The following ITGA6 variants were observed in gnomAD, a reference collection of about 807,000 sequenced individuals.
ITGA6 encodes the protein integrin subunit alpha 6, also known as integrin alpha-6.
In ITGA6, 63 loss-of-function variants were observed where a neutral mutation model predicts 133.6. That is an observed-to-expected ratio of 0.47 (90% CI 0.38 to 0.58). The LOEUF is 0.58. Ranked by LOEUF, ITGA6 falls within the 20% of genes least tolerant of loss-of-function variation. The pLI is 0.00. For synonymous variants in ITGA6, 434 were observed against 482.0 expected, an observed-to-expected ratio of 0.90 and a Z score of 1.30; for missense variants, 1,068 against 1,309.4, an observed-to-expected ratio of 0.82 and a Z score of 2.85.
intron 19 of ITGA6, among the ~76,000 whole-genome samples, chr2:172,488,552 A>G (rs549080426): frequency 6.6e-6 from 1 of 152,308 alleles, no homozygotes; most frequent in South Asian, 2.1e-4. Context: ...TCACAAGCCC[A>G]GTTTTTGTGG....
chr2:172,435,635 TTTTTTG>T (rs1345380274), intron 1 of ITGA6, among the ~76,000 whole-genome samples: 17 of 140,114 alleles, frequency 1.2e-4, no homozygotes, highest in African/African-American at 4.2e-4. Flanking sequence ...TTTTTTTTTT[TTTTTTG>T]TTGAGACAGA....
intron 3 of ITGA6, among the ~76,000 whole-genome samples, chr2:172,468,511 AC>A (rs1166941011): frequency 2.6e-5 from 4 of 152,202 alleles, no homozygotes; most frequent in Non-Finnish European, 4.4e-5. Flanking sequence ...AGCCATTCAT[AC>A]CCTGTAGAAA....
At chr2:172,485,295 G>GT (rs780882442) in intron 13 of ITGA6, 31 bp downstream of exon 13, 45 of 1,606,512 alleles carry the variant, frequency 2.8e-5, no homozygotes, top group African/African-American at 8.0e-5. Flanking sequence ...TTTTGCCAAA[G>GT]TTTTTTTGCC....
At chr2:172,427,389 T>C (rs1683880642), upstream of ITGA6, 1 of 1,016,062 alleles carries the variant, frequency 9.8e-7, no homozygotes, top group Non-Finnish European at 1.2e-6. Flanking sequence ...GTGGGGCTGC[T>C]TCGCCGCGAG....
At chr2:172,465,213 A>G (rs538023564) in intron 1 of ITGA6, 2 of 377,466 alleles carry the variant, frequency 5.3e-6, no homozygotes, top group African/African-American at 2.0e-5. Context: ...CCCTGGCATC[A>G]TAGGGGCTTA....
rs1366627609 is a variant in ITGA6 at position 172,506,262 on chromosome 2, T to TATC, written c.*2195_*2197dup. On this transcript the variant is annotated 3_prime_UTR_variant, in exon 26 of 26. Coordinates refer to ENST00000684293, the MANE Select transcript of ITGA6 (RefSeq NM_000210.4). ...TAAAATTATAAATGACAACCTGAAT[T>TATC]ATCTATTTCATCAAACCAAAGTTCA... The TATC allele has an allele frequency of 6.6e-6, 1 of 152,662 alleles. No homozygotes were observed. The highest frequency in any genetic ancestry group is 1.5e-5 in the Non-Finnish European group (1 of 68,042). 9.5% of individuals were successfully genotyped at this position (152,662 alleles called of 1,614,324 possible). A position where few individuals can be genotyped will look rare whatever the true frequency, so the allele number is the denominator to read the frequency against.
chr2:172,453,851 G>A (rs187558040), intron 1 of ITGA6, among the ~76,000 whole-genome samples: 1 of 152,334 alleles, frequency 6.6e-6, no homozygotes, highest in African/African-American at 2.4e-5. Flanking sequence ...TGGATGTCCT[G>A]TAAGTGCTAG....
At chr2:172,470,837 T>C in intron 4 of ITGA6, 137 bp from the exon 5 acceptor site, 1 of 805,640 alleles carries the variant, frequency 1.2e-6, no homozygotes, top group Non-Finnish European at 2.0e-6. Flanking sequence ...ATAAAAGTCA[T>C]CTCTGTCCTT....
At chr2:172,441,261 TAGCTGTC>T (rs1178640234) in intron 1 of ITGA6, among the ~76,000 whole-genome samples, 2 of 152,226 alleles carry the variant, frequency 1.3e-5, no homozygotes, top group African/African-American at 4.8e-5. Flanking sequence ...ATCTATCTAT[TAGCTGTC>T]AGAATAAAAG....
At chr2:172,468,233 C>G (rs759488653) in intron 3 of ITGA6, among the ~76,000 whole-genome samples, 1 of 152,110 alleles carries the variant, frequency 6.6e-6, no homozygotes, top group Non-Finnish European at 1.5e-5. Context: ...GTTTTAACCT[C>G]TTGTTATTTA....
chr2:172,474,160 G>C lies in ITGA6; in HGVS notation c.881G>C (p.Arg294Thr), dbSNP rs1302637045. 1 of 1,614,004 alleles carries C rather than the reference G, an allele frequency of 6.2e-7. No homozygotes were observed. Among genetic ancestry groups the C allele is most frequent in the East Asian group, 2.2e-5 (1 of 44,904 alleles). Residue 294 changes from arginine (R) to threonine (T), a missense_variant, in exon 6 of 26, where the codon AGA becomes ACA. This residue lies in a region of ITGA6 where 317 missense variants were observed against 456.9 expected (regional missense o/e 0.69). Transcript: ENST00000684293. Reference sequence around the variant, plus strand: ...AGTGGAGCCGTGGTTTTGCTGAAGAGAGACATGAAGTCTGCACATCTCCTC... The same window carrying C: ...AGTGGAGCCGTGGTTTTGCTGAAGACAGACATGAAGTCTGCACATCTCCTC... Reference protein sequence around the residue: ...NHSGAVVLLKRDMKSAHLLPE... With the variant: ...NHSGAVVLLKTDMKSAHLLPE...
chr2:172,475,462 TCAAAAAAAA>T (rs971609230), intron 7 of ITGA6, 126 bp from the exon 8 acceptor site: 9 of 706,458 alleles, frequency 1.3e-5, no homozygotes, highest in African/African-American at 1.3e-4. Flanking sequence ...AAACTCCATC[TCAAAAAAAA>T]CAAAAAAAAA....
At chr2:172,464,456 G>A (rs1187253855) in intron 1 of ITGA6, 2 of 152,204 alleles carry the variant, frequency 1.3e-5, no homozygotes, top group Non-Finnish European at 2.9e-5. Context: ...CTCAGCTCCA[G>A]CCTTGTTTCC....
chr2:172,487,821 C>A lies in ITGA6; in HGVS notation c.2324+14C>A. 6.4e-7 allele frequency: 1 copy of A among 1,565,158 alleles called. No homozygotes were observed. Among genetic ancestry groups the A allele is most frequent in the South Asian group, 1.1e-5 (1 of 89,988 alleles). On this transcript the variant is annotated intron_variant, in intron 17 of 25. Transcript: ENST00000684293. Reference sequence around the variant, plus strand: ...GAAGTTAGAAACGTAAGAGTTACATCAACCTCTCCATTCAGAATTATTTCA... The same window carrying A: ...GAAGTTAGAAACGTAAGAGTTACATAAACCTCTCCATTCAGAATTATTTCA...
At chr2:172,427,465 C>G (rs1167547007), upstream of ITGA6, 3 of 1,038,348 alleles carry the variant, frequency 2.9e-6, no homozygotes, top group East Asian at 2.6e-4. Flanking sequence ...ACGCCAGAGC[C>G]GGCGGGTAAG....
At position 172,491,010 on chromosome 2, in the gene ITGA6, A is replaced by G. The variant is rs202105422; in HGVS notation, c.2680-14A>G. On this transcript the variant is annotated splice_polypyrimidine_tract_variant and intron_variant, in intron 20 of 25. Transcript: ENST00000684293. The surrounding 1 kb of genome is among the most constrained non-coding windows in gnomAD (Gnocchi z 4.4). ...TACATAAATTGGAACTATTTTGGATATAATTTTTTTCAGGAGTCTCACAAC... is the reference window on the plus strand; with the variant it reads ...TACATAAATTGGAACTATTTTGGATGTAATTTTTTTCAGGAGTCTCACAAC... 53 of 1,275,470 alleles carry G rather than the reference A, an allele frequency of 4.2e-5. No homozygotes were observed. In the East Asian group the frequency reaches 9.5e-4, roughly 23 times the overall value. The allele number at this position is 1,275,470 out of a possible 1,614,324, so 79.0% of individuals were successfully genotyped here. A position where few individuals can be genotyped will look rare whatever the true frequency, so the allele number is the denominator to read the frequency against.
At position 172,485,357 on chromosome 2, in the gene ITGA6, CT is replaced by C; in HGVS notation, c.1854+96del. 2.7e-6 allele frequency: 3 copies of C among 1,091,476 alleles called. No homozygotes were observed. In the Admixed American group the frequency reaches 5.1e-5, roughly 18 times the overall value. The allele number at this position is 1,091,476 out of a possible 1,614,324, so 67.6% of individuals were successfully genotyped here. A position where few individuals can be genotyped will look rare whatever the true frequency, so the allele number is the denominator to read the frequency against. On this transcript the variant is annotated intron_variant, in intron 13 of 25. Transcript: ENST00000684293. ...TGAAGGGAATAGAACTAGTGATTTGCTTTAAAGGCCATTCTTTTGTGTTAAT... is the reference window on the plus strand; with the variant it reads ...TGAAGGGAATAGAACTAGTGATTTGCTTAAAGGCCATTCTTTTGTGTTAAT...
rs574135912 is a variant in ITGA6, at chr2:172,492,812, T to C, written c.2988+1289T>C. Among the ~76,000 whole-genome samples, 22 of 152,376 alleles carry C rather than the reference T, an allele frequency of 1.4e-4. No homozygotes were observed. The South Asian group carries it at 4.3e-3, about 30-fold the overall frequency. On this transcript the variant is annotated intron_variant, in intron 23 of 25. Coordinates refer to ENST00000684293, the MANE Select transcript of ITGA6 (RefSeq NM_000210.4). ...TATGGAAATGTTCTGGCTTCAGTCATTTAGCTAGCTGAAAATTCAGGGAGC... is the reference window on the plus strand; with the variant it reads ...TATGGAAATGTTCTGGCTTCAGTCACTTAGCTAGCTGAAAATTCAGGGAGC...
intron 13 of ITGA6, 140 bp downstream of exon 13, chr2:172,485,404 G>GT: frequency 2.5e-6 from 2 of 790,638 alleles, no homozygotes; most frequent in Non-Finnish European, 4.4e-6. Flanking sequence ...TGTACGCAAA[G>GT]TTAGAGAAGA....
Sources: gnomAD v4.1 joint callset for allele counts (sites outside exome capture counted in the v4.1 genomes callset) on GRCh38, gnomAD v4.1.1 for gene constraint, gnomAD v4.1.1 regional missense constraint, Gnocchi (gnomAD v3.1) non-coding constraint, MANE v1.5 for transcripts, NCBI Gene and HGNC (gene_info 2026-07-23, HGNC 2026-07-21) for gene names.